The following NLRC5 variants were observed in gnomAD, a reference collection of about 807,000 sequenced individuals.
NLRC5 encodes the protein NLR family CARD domain containing 5.
A neutral mutation model predicts 206.9 loss-of-function variants in NLRC5; 114 were observed. The observed-to-expected ratio is 0.55, with a 90% CI of 0.47 to 0.64. The LOEUF (loss-of-function observed/expected upper bound fraction) is 0.64, where lower values mean the gene tolerates loss of function less well. NLRC5 is among the 30% of genes least tolerant of loss of function. NLRC5 has a pLI of 0.00. For synonymous variants in NLRC5, 952 were observed against 962.8 expected, an observed-to-expected ratio of 0.99 and a Z score of 0.21; for missense variants, 2,008 against 2,305.5, an observed-to-expected ratio of 0.87 and a Z score of 2.64.
chr16:57,047,868 C>T (rs1434760683), intron 23 of NLRC5: 2 of 560,454 alleles, frequency 3.6e-6, no homozygotes, highest in Admixed American at 3.0e-5. Context: ...CCTTCACCTG[C>T]ACCATCCACT....
chr16:57,036,266 G>C (rs2062564349), intron 14 of NLRC5, 83 bp downstream of exon 14: 1 of 1,278,200 alleles, frequency 7.8e-7, no homozygotes, highest in African/African-American at 1.5e-5. Context: ...TCAGCAGTAA[G>C]GGTGCTGATC....
In NLRC5 at chr16:57,025,223, A is replaced by G. The variant is rs539433323; in HGVS notation, c.425-145A>G. 2.5e-4 allele frequency: 336 copies of G among 1,369,490 alleles called. 1 individual carries two copies. The highest frequency in any genetic ancestry group is 1.8e-3 in the South Asian group (105 of 58,908). The allele number at this position is 1,369,490 out of a possible 1,614,324, so 84.8% of individuals were successfully genotyped here. A position where few individuals can be genotyped will look rare whatever the true frequency, so the allele number is the denominator to read the frequency against. On this transcript the variant is annotated intron_variant, in intron 5 of 48. Transcript: ENST00000688547. ...AAGTTGGGGTGGCACAGATCCCCCT[A>G]TGGTGCTCTTGACACCCCCACCCTC...
rs759100542 is a variant in NLRC5 at position 57,058,051 on chromosome 16, C to G, written c.3747-14C>G. On this transcript the variant is annotated splice_polypyrimidine_tract_variant and intron_variant, in intron 27 of 48. Transcript: ENST00000688547. ...GCACCTCTGATCCCCGCCACTGCTC[C>G]TTACCCCCTACAGTCTCTCAGCAAA... 1 of 1,609,284 alleles carries G rather than the reference C, an allele frequency of 6.2e-7. No individual in the cohort carries two copies. Among genetic ancestry groups the G allele is most frequent in the Admixed American group, 1.7e-5 (1 of 59,728 alleles).
At chr16:57,034,445 C>A (rs1389195430) in intron 13 of NLRC5, 194 bp downstream of exon 13, 6 of 580,274 alleles carry the variant, frequency 1.0e-5, no homozygotes, top group African/African-American at 1.9e-5. Context: ...AGGGACTGTA[C>A]ATGCCTCCTC....
At position 57,070,692 on chromosome 16, in the gene NLRC5, G is replaced by A; in HGVS notation, c.4667+74G>A. On this transcript the variant is annotated intron_variant, in intron 38 of 48. Transcript: ENST00000688547. ...TGGATGGTGGAAGTGGGTGAGTGGT[G>A]GGGTTGGTTAATGGATGGTGGAAGT... is the stretch of plus-strand genomic sequence containing the variant. The A allele has an allele frequency of 3.0e-6, 4 of 1,322,970 alleles. No individual in the cohort carries two copies. The South Asian group carries it at 3.6e-5, about 12-fold the overall frequency. 82.0% of individuals were successfully genotyped at this position (1,322,970 alleles called of 1,614,324 possible).
At position 57,079,256 on chromosome 16, in the gene NLRC5, G is replaced by T; in HGVS notation, c.5201G>T (p.Arg1734Leu). 1 of 1,613,642 alleles carries T rather than the reference G, an allele frequency of 6.2e-7. No individual in the cohort carries two copies. Among genetic ancestry groups the T allele is most frequent in the Non-Finnish European group, 8.5e-7 (1 of 1,180,014 alleles). Reference protein sequence around the residue: ...AENNLAGGVLRFCMELPLLRQ... With the variant: ...AENNLAGGVLLFCMELPLLRQ... The stretch of plus-strand genomic sequence containing the variant: ...AACAACCTGGCTGGAGGGGTCCTGC[G>T]TTTCTGTATGGAGCTCCCGCTGCTC... Residue 1734 changes from arginine (R) to leucine (L), a missense_variant, in exon 45 of 49, where the codon CGT (arginine) becomes CTT (leucine). Arg to Leu is a moderately radical substitution (Grantham distance 102). Transcript: ENST00000688547.
At chr16:57,015,925 CAAAAAAAAAAAA>C (rs35216159) in intron 1 of NLRC5, among the ~76,000 whole-genome samples, 7 of 39,664 alleles carry the variant, frequency 1.8e-4, no homozygotes, top group Admixed American at 1.7e-3. Context: ...AACTCCATCT[CAAAAAAAAAAAA>C]AAAAAAAAAA....
intron 1 of NLRC5, among the ~76,000 whole-genome samples, chr16:57,015,595 T>A (rs1293892295): frequency 7.7e-5 from 2 of 26,014 alleles, no homozygotes; most frequent in African/African-American, 3.1e-4. Flanking sequence ...CTTAAAAAAA[T>A]AAATAAATAA....
At chr16:56,993,123 A>ATATATGTG (rs2057127775) in intron 1 of NLRC5, among the ~76,000 whole-genome samples, 2 of 115,568 alleles carry the variant, frequency 1.7e-5, no homozygotes, top group African/African-American at 7.6e-5. Context: ...ATATATGTGT[A>ATATATGTG]TATATATATA....
chr16:56,992,784 T>G (rs2057064613), intron 1 of NLRC5, among the ~76,000 whole-genome samples: 1 of 152,130 alleles, frequency 6.6e-6, no homozygotes, highest in Non-Finnish European at 1.5e-5. Context: ...AGCCCATATA[T>G]TCATATTTTT....
At chr16:57,019,975 A>G (rs1187743030) in intron 2 of NLRC5, among the ~76,000 whole-genome samples, 1 of 152,134 alleles carries the variant, frequency 6.6e-6, no homozygotes, top group Non-Finnish European at 1.5e-5. Flanking sequence ...ACCATTCCAG[A>G]GAGCCAGGGT....
At chr16:57,042,869 A>G (rs1039722900) in intron 19 of NLRC5, among the ~76,000 whole-genome samples, 1 of 152,152 alleles carries the variant, frequency 6.6e-6, no homozygotes. Context: ...AATGCTGGGA[A>G]GGAAGGGAGT....
intron 16 of NLRC5, among the ~76,000 whole-genome samples, chr16:57,040,133 T>A (rs2063101780): frequency 6.6e-6 from 1 of 152,202 alleles, no homozygotes. Flanking sequence ...TCCGGGAGAC[T>A]AGAGCCCTCC....
chr16:57,044,259 C>T (rs1228331780), intron 20 of NLRC5, among the ~76,000 whole-genome samples: 2 of 150,968 alleles, frequency 1.3e-5, no homozygotes, highest in Admixed American at 1.3e-4. Context: ...GAGCTGAGAT[C>T]GTGCCACTGC....
intron 7 of NLRC5, 52 bp from the exon 8 acceptor site, chr16:57,028,250 C>G: frequency 6.3e-7 from 1 of 1,588,734 alleles, no homozygotes; most frequent in South Asian, 1.1e-5. Context: ...GATTCCTGGC[C>G]CCGCCCTTTT....
intron 24 of NLRC5, among the ~76,000 whole-genome samples, 160 bp from the exon 25 acceptor site, chr16:57,054,591 T>C (rs575599910): frequency 6.6e-6 from 1 of 152,198 alleles, no homozygotes; most frequent in South Asian, 2.1e-4. Context: ...AATCCAAATC[T>C]GCCTGTCCCT....
intron 5 of NLRC5, among the ~76,000 whole-genome samples, chr16:57,024,131 C>T (rs2060994237): frequency 6.6e-6 from 1 of 152,240 alleles, no homozygotes; most frequent in Admixed American, 6.5e-5. Flanking sequence ...CTCAGCTTCG[C>T]TGTCCAGGCT....
At chr16:57,028,557 G>A (rs2061480528) in intron 8 of NLRC5, among the ~76,000 whole-genome samples, 172 bp downstream of exon 8, 1 of 152,146 alleles carries the variant, frequency 6.6e-6, no homozygotes, top group African/African-American at 2.4e-5. Flanking sequence ...CAAACCCAAG[G>A]CTCCCAGAGT....
At chr16:57,033,236 G>A (rs557861443) in intron 11 of NLRC5, among the ~76,000 whole-genome samples, 43 of 152,230 alleles carry the variant, frequency 2.8e-4, no homozygotes, top group African/African-American at 9.6e-4. Context: ...ACTAACCTTC[G>A]ATTTTACACC....
Sources: gnomAD v4.1 joint callset for allele counts (sites outside exome capture counted in the v4.1 genomes callset) on GRCh38, gnomAD v4.1.1 for gene constraint, MANE v1.5 for transcripts, NCBI Gene and HGNC (gene_info 2026-07-23, HGNC 2026-07-21) for gene names.